POLN: variants seen among roughly 807,000 people sequenced by gnomAD.
POLN encodes the protein DNA polymerase N.
POLN carries 108 observed loss-of-function variants against 113.5 expected under a neutral mutation model. That is an observed-to-expected ratio of 0.95 (90% CI 0.81 to 1.12). POLN has a LOEUF of 1.12. POLN is among the 50% of genes most tolerant of loss of function. The pLI is 0.00. For missense variants in POLN, 1,097 were observed against 1,077.1 expected (o/e 1.02, Z -0.26); for synonymous variants, 386 against 391.5 (o/e 0.99, Z 0.17).
At chr4:2,236,175 T>C in intron 2 of POLN, 3 of 1,084,500 alleles carry the variant, frequency 2.8e-6, no homozygotes, top group Non-Finnish European at 4.1e-6. Context: ...TAATATCTTT[T>C]ACAACAAGCA....
At chr4:2,111,607 G>T (rs1193755717) in intron 19 of POLN, among the ~76,000 whole-genome samples, 1 of 152,130 alleles carries the variant, frequency 6.6e-6, no homozygotes, top group South Asian at 2.1e-4. Context: ...CAGACAAACA[G>T]AGAGCCAAAT....
chr4:2,162,424 G>A (rs1422494757), intron 13 of POLN, among the ~76,000 whole-genome samples: 2 of 152,084 alleles, frequency 1.3e-5, no homozygotes, highest in African/African-American at 4.8e-5. Flanking sequence ...AACTCCAGAC[G>A]CGCCACCTTA....
intron 16 of POLN, among the ~76,000 whole-genome samples, chr4:2,146,720 C>T (rs548243833): frequency 1.3e-5 from 2 of 152,236 alleles, no homozygotes; most frequent in Admixed American, 6.5e-5. Context: ...AACTAACGGG[C>T]AGCAGCCAGG....
intron 5 of POLN, among the ~76,000 whole-genome samples, chr4:2,199,593 T>C (rs1420239017): frequency 2.0e-5 from 3 of 152,150 alleles, no homozygotes; most frequent in Non-Finnish European, 4.4e-5. Context: ...TTATTTTTTT[T>C]AGACATGGAG....
At chr4:2,203,299 G>A (rs761518175) in intron 5 of POLN, among the ~76,000 whole-genome samples, 6 of 152,000 alleles carry the variant, frequency 3.9e-5, no homozygotes, top group Non-Finnish European at 8.8e-5. Context: ...TCTTCAAACT[G>A]GGCCGGGCGC....
At chr4:2,081,123 C>T (rs780081090) in intron 22 of POLN, 87 bp from the exon 23 acceptor site, 40 of 1,606,290 alleles carry the variant, frequency 2.5e-5, no homozygotes, top group South Asian at 1.1e-4. Flanking sequence ...ACAGCTCTCA[C>T]GGTACCTCCA....
At chr4:2,240,797 C>G (rs759132380) in intron 2 of POLN, 4 of 1,613,958 alleles carry the variant, frequency 2.5e-6, no homozygotes, top group Non-Finnish European at 3.4e-6. Flanking sequence ...ACAACACGTT[C>G]TGTTCATTCA....
At chr4:2,118,866 C>T (rs1731377105) in intron 19 of POLN, among the ~76,000 whole-genome samples, 1 of 152,192 alleles carries the variant, frequency 6.6e-6, no homozygotes, top group Non-Finnish European at 1.5e-5. Flanking sequence ...ATGGAGCAAC[C>T]TCTATCAAAA....
At position 2,080,897 on chromosome 4, in the gene POLN, G is replaced by A. The variant is rs1008456307; in HGVS notation, c.2387+61C>T. The A allele has an allele frequency of 1.9e-5, 30 of 1,611,378 alleles. No individual in the cohort carries two copies. The East Asian group carries it at 3.1e-4, about 17-fold the overall frequency. On this transcript the variant is annotated intron_variant, in intron 23 of 25. Coordinates refer to ENST00000511885, the MANE Select transcript of POLN (RefSeq NM_181808.4). ...ATCATCAGAATCACGAGCCCCGAGG[G>A]GGTCTTCCCACAGAATACTAACCCT...
intron 23 of POLN, chr4:2,078,862 AAC>A: frequency 7.1e-6 from 7 of 985,486 alleles, no homozygotes; most frequent in Non-Finnish European, 8.4e-6. Context: ...CTCAGTCAGC[AAC>A]AGAGAGAGAC....
intron 16 of POLN, among the ~76,000 whole-genome samples, chr4:2,146,016 T>G (rs1271868247): frequency 6.9e-6 from 1 of 144,872 alleles, no homozygotes; most frequent in African/African-American, 2.5e-5. Flanking sequence ...AAGTACAATA[T>G]GCTATAATTT....
intron 21 of POLN, 74 bp from the exon 22 acceptor site, chr4:2,081,817 GT>G: frequency 7.7e-7 from 1 of 1,298,282 alleles, no homozygotes; most frequent in Non-Finnish European, 1.1e-6. Context: ...CTCGGGCCAG[GT>G]CCAGAGGCCA....
intron 7 of POLN, among the ~76,000 whole-genome samples, chr4:2,188,520 G>A (rs1355515711): frequency 6.6e-6 from 1 of 151,812 alleles, no homozygotes; most frequent in African/African-American, 2.4e-5. Flanking sequence ...AGAATGGCGT[G>A]AACCTGGGAG....
chr4:2,232,274 T>C (rs1734609975), intron 2 of POLN: 1 of 513,672 alleles, frequency 1.9e-6, no homozygotes, highest in Non-Finnish European at 3.4e-6. Flanking sequence ...CTTCCCGCAA[T>C]TTTAGCAATA....
At chr4:2,240,568 C>T in intron 2 of POLN, 1 of 1,613,168 alleles carries the variant, frequency 6.2e-7, no homozygotes, top group Non-Finnish European at 8.5e-7. Flanking sequence ...GTTACTGAAG[C>T]CATCAATTGA....
In POLN at chr4:2,185,854, T is replaced by C. The variant is rs376844359; in HGVS notation, c.1022-6389A>G. Among the ~76,000 whole-genome samples the C allele has an allele frequency of 1.1e-4, 17 of 152,118 alleles. No homozygotes were observed. In the East Asian group the frequency reaches 3.1e-3, roughly 28 times the overall value. On this transcript the variant is annotated intron_variant, in intron 7 of 25. Coordinates refer to ENST00000511885, the MANE Select transcript of POLN (RefSeq NM_181808.4). ...TAAACAAAAACAGTTATAGAACAAC[T>C]AGGGAAGTGCAAACACTGACTAGAC... is the stretch of plus-strand genomic sequence containing the variant.
intron 5 of POLN, among the ~76,000 whole-genome samples, chr4:2,198,990 T>C (rs1733647755): frequency 6.6e-6 from 1 of 152,048 alleles, no homozygotes; most frequent in African/African-American, 2.4e-5. Context: ...AAAGGAAGCA[T>C]CATACTTTCC....
rs1376457031 is a variant in POLN, at chr4:2,121,461, A to C, written c.1982+6652T>G. Among the ~76,000 whole-genome samples, 38 of 148,990 alleles carry C rather than the reference A, an allele frequency of 2.6e-4. No individual in the cohort carries two copies. In the East Asian group the frequency reaches 7.1e-3, roughly 28 times the overall value. On this transcript the variant is annotated intron_variant, in intron 19 of 25. Coordinates refer to ENST00000511885, the MANE Select transcript of POLN (RefSeq NM_181808.4). ...AAAAAAAAAAAAAAAAAATATATAT[A>C]TATATCCAGGGAAGCCATCTGAGCC...
chr4:2,225,622 TA>T lies in POLN; in HGVS notation c.133+3476del, dbSNP rs545027576. 1.2e-4 allele frequency among the ~76,000 whole-genome samples: 16 copies of T among 135,904 alleles called. 1 individual carries two copies. The highest frequency in any genetic ancestry group is 6.9e-4 in the South Asian group (3 of 4,366). 89.2% of individuals were successfully genotyped at this position (135,904 alleles called of 152,430 possible). A position where few individuals can be genotyped will look rare whatever the true frequency, so the allele number is the denominator to read the frequency against. ...ATTTTAGTTTTTTGTTTGTTTTTTC[TA>T]AAAAAAAAAACAAACACTTTTCCTA... On this transcript the variant is annotated intron_variant, in intron 3 of 25. Transcript: ENST00000511885.
Sources: allele counts gnomAD v4.1 joint callset (sites outside exome capture counted in the v4.1 genomes callset), GRCh38; gene constraint gnomAD v4.1.1; transcripts MANE v1.5; gene names NCBI Gene and HGNC (gene_info 2026-07-23, HGNC 2026-07-21).